Variants in ACOT12 observed in about 807,000 individuals in gnomAD.
ACOT12 encodes the protein acetyl-coenzyme A thioesterase.
A neutral mutation model predicts 67.7 loss-of-function variants in ACOT12; 51 were observed. That is an observed-to-expected ratio of 0.75 (90% CI 0.60 to 0.95). The LOEUF (loss-of-function observed/expected upper bound fraction) is 0.95, where lower values mean the gene tolerates loss of function less well. Among genes scored for constraint, ACOT12 ranks in the 40% least tolerant of loss-of-function variants. The probability of loss-of-function intolerance (pLI) is 0.00; values close to 1 mark genes in which losing one functional copy is unlikely to be tolerated. For missense variants in ACOT12, 734 were observed against 708.1 expected (o/e 1.04, Z -0.41); for synonymous variants, 251 against 244.6 (o/e 1.03, Z -0.24).
intron 13 of ACOT12, among the ~76,000 whole-genome samples, chr5:81,331,529 A>AAAT (rs1341998852): frequency 6.6e-6 from 1 of 152,146 alleles, no homozygotes; most frequent in Non-Finnish European, 1.5e-5. Flanking sequence ...ACATCATCTA[A>AAAT]AATAATAATA....
At chr5:81,325,568 T>G (rs182912164), downstream of ACOT12, among the ~76,000 whole-genome samples, 3 of 152,238 alleles carry the variant, frequency 2.0e-5, no homozygotes, top group Non-Finnish European at 2.9e-5. Context: ...CGGGGGGGCA[T>G]GTAAAGCGGG....
chr5:81,369,416 G>C (rs898490147), intron 3 of ACOT12, among the ~76,000 whole-genome samples: 1 of 152,122 alleles, frequency 6.6e-6, no homozygotes, highest in Non-Finnish European at 1.5e-5. Context: ...AACTGAAATT[G>C]AACAGGAAGA....
At chr5:81,386,035 C>A (rs553792306) in intron 1 of ACOT12, among the ~76,000 whole-genome samples, 1 of 152,182 alleles carries the variant, frequency 6.6e-6, no homozygotes, top group Admixed American at 6.5e-5. Flanking sequence ...GTAATTACTG[C>A]ACTTTTTATC....
chr5:81,366,269 A>C (rs1760074744), intron 3 of ACOT12, among the ~76,000 whole-genome samples: 1 of 152,234 alleles, frequency 6.6e-6, no homozygotes, highest in South Asian at 2.1e-4. Flanking sequence ...GAAATATAAC[A>C]AAAGCCAGCA....
downstream of ACOT12, among the ~76,000 whole-genome samples, chr5:81,328,513 T>C (rs1487362079): frequency 2.0e-5 from 3 of 152,216 alleles, no homozygotes; most frequent in Non-Finnish European, 4.4e-5. Flanking sequence ...TAGTTAATTT[T>C]GGCATTGTTT....
chr5:81,320,668 A>G, the ACOT12 span, among the ~76,000 whole-genome samples: 1 of 152,232 alleles, frequency 6.6e-6, no homozygotes, highest in South Asian at 2.1e-4. Context: ...ATAAAATCAC[A>G]AAAACACACA....
chr5:81,330,323 C>T lies in ACOT12; in HGVS notation c.*71G>A. On this transcript the variant is annotated 3_prime_UTR_variant, in exon 15 of 15. Coordinates refer to ENST00000307624, the MANE Select transcript of ACOT12 (RefSeq NM_130767.3). The stretch of plus-strand genomic sequence containing the variant: ...ATTATTTTGTGGCCCCAAAGCTTGA[C>T]AGATGTCAGGGCTAAGGGTGCTTGG... 2 of 1,495,088 alleles carry T rather than the reference C, an allele frequency of 1.3e-6. No individual in the cohort carries two copies. Among genetic ancestry groups the T allele is most frequent in the Non-Finnish European group, 1.8e-6 (2 of 1,112,960 alleles). The allele number at this position is 1,495,088 out of a possible 1,614,324, so 92.6% of individuals were successfully genotyped here.
downstream of ACOT12, among the ~76,000 whole-genome samples, chr5:81,325,326 G>A (rs141180251): frequency 2.0e-5 from 3 of 152,344 alleles, no homozygotes; most frequent in Non-Finnish European, 4.4e-5. Context: ...CAGGGAGATG[G>A]AGTAGAATTA....
intron 10 of ACOT12, among the ~76,000 whole-genome samples, chr5:81,343,224 CA>C (rs986508778): frequency 6.6e-6 from 1 of 150,486 alleles, no homozygotes; most frequent in Non-Finnish European, 1.5e-5. Context: ...AAAACAAAAA[CA>C]AAAGCAAAAA....
chr5:81,367,191 C>G (rs1284477009), intron 3 of ACOT12, among the ~76,000 whole-genome samples: 1 of 152,078 alleles, frequency 6.6e-6, no homozygotes, highest in Non-Finnish European at 1.5e-5. Context: ...AAAGGAATAT[C>G]TTCAGACAGA....
intron 10 of ACOT12, 46 bp from the exon 11 acceptor site, chr5:81,342,801 G>A (rs778482101): frequency 1.3e-6 from 2 of 1,569,794 alleles, no homozygotes; most frequent in Admixed American, 1.7e-5. Flanking sequence ...TTCAATACAT[G>A]GATGTGTGAT....
chr5:81,335,088 C>T (rs936563958), intron 12 of ACOT12, among the ~76,000 whole-genome samples: 17 of 152,178 alleles, frequency 1.1e-4, no homozygotes, highest in African/African-American at 4.1e-4. Context: ...ATAATCACTT[C>T]CTCAAGAGCA....
At chr5:81,374,201 C>A (rs1488596548) in intron 2 of ACOT12, among the ~76,000 whole-genome samples, 1 of 152,182 alleles carries the variant, frequency 6.6e-6, no homozygotes, top group African/African-American at 2.4e-5. Context: ...CAAACAGGGT[C>A]TGGAGTGGGC....
At chr5:81,353,460 T>C (rs1427900502) in intron 5 of ACOT12, among the ~76,000 whole-genome samples, 2 of 152,212 alleles carry the variant, frequency 1.3e-5, no homozygotes, top group Non-Finnish European at 2.9e-5. Flanking sequence ...TTGACAACTT[T>C]ACATTCACTC....
intron 2 of ACOT12, among the ~76,000 whole-genome samples, chr5:81,374,591 T>G (rs564539287): frequency 6.6e-6 from 1 of 151,858 alleles, no homozygotes; most frequent in Non-Finnish European, 1.5e-5. Context: ...CTAAGAACCT[T>G]GAAAAAAGGT....
At chr5:81,365,724 G>C (rs1447251095) in intron 3 of ACOT12, among the ~76,000 whole-genome samples, 1 of 152,186 alleles carries the variant, frequency 6.6e-6, no homozygotes, top group Non-Finnish European at 1.5e-5. Context: ...GGCAACACAG[G>C]ACTGTGATCC....
rs1398525016 is a variant in ACOT12, at chr5:81,330,894, G to A, written c.1438C>T (p.Pro480Ser). ...AVKSVILPSV[P>S]PSPQYIRSEI... is the part of the protein sequence containing the mutation. ...CTTCTGATGTACTGTGGAGACGGGG[G>A]GACCGATGGCAAAATGACCGACTTC... Residue 480 changes from proline to serine, a missense_variant, in exon 14 of 15, where the codon CCC (proline) becomes TCC (serine). Physicochemically the swap from Pro to Ser is moderately conservative, Grantham distance 74 (BLOSUM62 -1). Transcript: ENST00000307624. 1 of 1,612,626 alleles carries A rather than the reference G, an allele frequency of 6.2e-7. No homozygotes were observed. Among genetic ancestry groups the A allele is most frequent in the Non-Finnish European group, 8.5e-7 (1 of 1,179,298 alleles).
chr5:81,337,944 T>G lies in ACOT12; in HGVS notation c.1129-2043A>C, dbSNP rs543796611. ...TGTAACCACCACTGAATTCTGCCCT[T>G]ACAGAGCTCACTTGACTTATCCAAT... is the stretch of plus-strand genomic sequence containing the variant. On this transcript the variant is annotated intron_variant, in intron 11 of 14. Transcript: ENST00000307624. Among the ~76,000 whole-genome samples, 6 of 152,298 alleles carry G rather than the reference T, an allele frequency of 3.9e-5. No homozygotes were observed. In the South Asian group the frequency reaches 1.2e-3, roughly 32 times the overall value.
chr5:81,393,982 G>C lies in ACOT12; in HGVS notation c.127+6C>G. ...GCGCCTCCCCGCAGCCCCGGCGCCC[G>C]CCTACCCGCCAGGCAGGCGGTGGTG... On this transcript the variant is annotated splice_donor_region_variant and intron_variant, in intron 1 of 14. Coordinates refer to ENST00000307624, the MANE Select transcript of ACOT12 (RefSeq NM_130767.3). 1 of 1,352,738 alleles carries C rather than the reference G, an allele frequency of 7.4e-7. No homozygotes were observed. Among genetic ancestry groups the C allele is most frequent in the Non-Finnish European group, 9.5e-7 (1 of 1,057,018 alleles). The allele number at this position is 1,352,738 out of a possible 1,614,324, so 83.8% of individuals were successfully genotyped here.
Sources: gnomAD v4.1 joint callset for allele counts (sites outside exome capture counted in the v4.1 genomes callset) on GRCh38, gnomAD v4.1.1 for gene constraint, MANE v1.5 for transcripts, NCBI Gene and HGNC (gene_info 2026-07-23, HGNC 2026-07-21) for gene names.